The following NUDCD1 variants were observed in gnomAD, a reference collection of about 807,000 sequenced individuals.
The protein encoded by NUDCD1 is nudC domain-containing protein 1.
NUDCD1 carries 60 observed loss-of-function variants against 67.8 expected under a neutral mutation model. That is an observed-to-expected ratio of 0.88 (90% CI 0.72 to 1.10). The LOEUF is 1.10. NUDCD1 is among the 50% of genes least tolerant of loss of function. The pLI is 0.00. For synonymous variants in NUDCD1, 244 were observed against 230.8 expected (o/e 1.06, Z -0.52); for missense variants, 643 against 695.0 (o/e 0.93, Z 0.84).
In NUDCD1 at chr8:109,261,698, G is replaced by A. The variant is rs566113032; in HGVS notation, c.1299+9307C>T. 2.0e-5 allele frequency among the ~76,000 whole-genome samples: 3 copies of A among 152,058 alleles called. No individual in the cohort carries two copies. In the South Asian group the frequency reaches 6.2e-4, roughly 32 times the overall value. ...TAAAACACAAAAACATTGATTCATT[G>A]TTTATTTTCATTTACATTAATGCTA... On this transcript the variant is annotated intron_variant, in intron 8 of 9. Transcript: ENST00000239690.
intron 4 of NUDCD1, among the ~76,000 whole-genome samples, chr8:109,293,115 T>G (rs1050096665): frequency 2.0e-5 from 3 of 152,118 alleles, no homozygotes; most frequent in Non-Finnish European, 4.4e-5. Context: ...CAATGTCTTC[T>G]TTTATATAAA....
chr8:109,324,414 G>A (rs183682049), intron 1 of NUDCD1, among the ~76,000 whole-genome samples: 7 of 151,614 alleles, frequency 4.6e-5, no homozygotes, highest in Admixed American at 4.6e-4. Context: ...AATAACAAAT[G>A]CTGGCAAGGA....
chr8:109,307,305 A>G (rs1586297300), intron 2 of NUDCD1, among the ~76,000 whole-genome samples: 1 of 152,318 alleles, frequency 6.6e-6, no homozygotes, highest in African/African-American at 2.4e-5. Context: ...TGTACTTTGT[A>G]TGCCTATCCC....
chr8:109,274,476 A>T (rs1814231215), intron 7 of NUDCD1, among the ~76,000 whole-genome samples: 2 of 152,194 alleles, frequency 1.3e-5, no homozygotes, highest in South Asian at 4.1e-4. Flanking sequence ...AAGGCAATGC[A>T]GCCTGCATGG....
At chr8:109,249,960 C>T (rs1475619759) in intron 8 of NUDCD1, among the ~76,000 whole-genome samples, 1 of 151,350 alleles carries the variant, frequency 6.6e-6, no homozygotes, top group African/African-American at 2.4e-5. Flanking sequence ...ATCCTCCAAC[C>T]CCAGCCTCCT....
rs1433158514 is a variant in NUDCD1, at chr8:109,333,971, G to C, written c.40C>G (p.Pro14Ala). The C allele has an allele frequency of 6.2e-7, 1 of 1,613,990 alleles. No individual in the cohort carries two copies. Among genetic ancestry groups the C allele is most frequent in the South Asian group, 1.1e-5 (1 of 91,078 alleles). ...AANCSLRVKR[P>A]LLDPRFEGYK... Reference sequence around the variant, plus strand: ...CCCTCGAAGCGGGGATCCAACAGAGGTCTCTTCACCCGTAGGGAGCAATTA... The same window carrying C: ...CCCTCGAAGCGGGGATCCAACAGAGCTCTCTTCACCCGTAGGGAGCAATTA... Residue 14 changes from proline to alanine, a missense_variant, in exon 1 of 10, where the codon CCT (proline) becomes GCT (alanine). Transcript: ENST00000239690.
At chr8:109,324,913 C>T (rs1449771433) in intron 1 of NUDCD1, among the ~76,000 whole-genome samples, 6 of 152,002 alleles carry the variant, frequency 3.9e-5, no homozygotes, top group Admixed American at 3.3e-4. Context: ...GATGAAACCC[C>T]GTCTCTACTA....
At chr8:109,317,791 T>C (rs896281115) in intron 2 of NUDCD1, among the ~76,000 whole-genome samples, 3 of 152,180 alleles carry the variant, frequency 2.0e-5, no homozygotes, top group Non-Finnish European at 4.4e-5. Context: ...CATAATGCCT[T>C]CCACTTTTCA....
At chr8:109,290,320 A>T (rs1814682222) in intron 4 of NUDCD1, among the ~76,000 whole-genome samples, 1 of 152,098 alleles carries the variant, frequency 6.6e-6, no homozygotes, top group African/African-American at 2.4e-5. Flanking sequence ...CATCTTGGAG[A>T]AATCTCTTAT....
chr8:109,284,453 C>G (rs187116065), intron 5 of NUDCD1, among the ~76,000 whole-genome samples: 4 of 152,190 alleles, frequency 2.6e-5, no homozygotes, highest in African/African-American at 9.6e-5. Context: ...CAGAATACCC[C>G]ACCCATCAAC....
intron 8 of NUDCD1, among the ~76,000 whole-genome samples, chr8:109,258,336 T>C (rs1459774814): frequency 6.6e-6 from 1 of 152,150 alleles, no homozygotes; most frequent in Non-Finnish European, 1.5e-5. Context: ...ATTGTATTCA[T>C]GTGTCAGGTT....
rs1813391985 is a variant in NUDCD1 at position 109,242,625 on chromosome 8, T to C, written c.*384A>G. ...TACAATACTCAACATTTAACTATTA[T>C]CCTGTACATCTTATAGGTACAGCCT... On this transcript the variant is annotated 3_prime_UTR_variant, in exon 10 of 10. Transcript: ENST00000239690. 1 of 166,692 alleles carries C rather than the reference T, an allele frequency of 6.0e-6. No individual in the cohort carries two copies. The highest frequency in any genetic ancestry group is 1.3e-5 in the Non-Finnish European group (1 of 77,002). 10.3% of individuals were successfully genotyped at this position (166,692 alleles called of 1,614,324 possible).
chr8:109,275,578 T>C, intron 6 of NUDCD1, 82 bp from the exon 7 acceptor site: 1 of 1,320,292 alleles, frequency 7.6e-7, no homozygotes. Flanking sequence ...TGTTTGTTTC[T>C]ATCTTCTATA....
intron 1 of NUDCD1, among the ~76,000 whole-genome samples, chr8:109,326,152 TC>T (rs1169517809): frequency 6.6e-6 from 1 of 152,322 alleles, no homozygotes; most frequent in East Asian, 1.9e-4. Flanking sequence ...CTCTGGGCAA[TC>T]CTGAACAAAC....
intron 2 of NUDCD1, chr8:109,316,489 G>T (rs1018734526): frequency 6.6e-6 from 1 of 152,094 alleles, no homozygotes. Flanking sequence ...GCCTGTCTAG[G>T]ATTTGTGCAC....
At chr8:109,331,315 C>G (rs893290349) in intron 1 of NUDCD1, among the ~76,000 whole-genome samples, 7 of 151,722 alleles carry the variant, frequency 4.6e-5, no homozygotes, top group Admixed American at 1.3e-4. Context: ...GCCTCAACGA[C>G]AGAGACTCCG....
In NUDCD1 at chr8:109,333,153, T is replaced by C. The variant is rs376352092; in HGVS notation, c.118+740A>G. Among the ~76,000 whole-genome samples, 45 of 152,346 alleles carry C rather than the reference T, an allele frequency of 3.0e-4. No individual in the cohort carries two copies. The East Asian group carries it at 5.4e-3, about 18-fold the overall frequency. On this transcript the variant is annotated intron_variant, in intron 1 of 9. Coordinates refer to ENST00000239690, the MANE Select transcript of NUDCD1 (RefSeq NM_032869.4). ...TTATTTTATACTTTAATGTCTGTTATTATAATTAACTGTAGATCACTATTT... is the reference window on the plus strand; with the variant it reads ...TTATTTTATACTTTAATGTCTGTTACTATAATTAACTGTAGATCACTATTT...
intron 5 of NUDCD1, among the ~76,000 whole-genome samples, chr8:109,287,845 T>C (rs1019205821): frequency 6.6e-6 from 1 of 152,162 alleles, no homozygotes; most frequent in Non-Finnish European, 1.5e-5. Flanking sequence ...AAAGGTAAAG[T>C]CACAGTTTTT....
intron 6 of NUDCD1, among the ~76,000 whole-genome samples, chr8:109,276,502 G>C (rs543962408): frequency 2.0e-5 from 3 of 152,224 alleles, no homozygotes; most frequent in Admixed American, 1.3e-4. Flanking sequence ...CTTACCAGCT[G>C]TTCTTTTTCA....
Sources: allele counts gnomAD v4.1 joint callset (sites outside exome capture counted in the v4.1 genomes callset), GRCh38; gene constraint gnomAD v4.1.1; transcripts MANE v1.5; gene names NCBI Gene and HGNC (gene_info 2026-07-23, HGNC 2026-07-21).